The following RBFOX1 variants were observed in gnomAD, a reference collection of about 807,000 sequenced individuals.
RBFOX1 encodes RNA binding fox-1 homolog 1.
RBFOX1 carries 8 observed loss-of-function variants against 57.7 expected under a neutral mutation model. The observed-to-expected ratio is 0.14, with a 90% CI of 0.08 to 0.25. RBFOX1 has a LOEUF of 0.25. RBFOX1 is among the 10% of genes least tolerant of loss of function. The probability of loss-of-function intolerance (pLI) is 1.00; values close to 1 mark genes in which losing one functional copy is unlikely to be tolerated. For synonymous variants in RBFOX1, 326 were observed against 222.4 expected (o/e 1.47, Z -4.15); for missense variants, 611 against 548.5 (o/e 1.11, Z -1.14).
chr16:7,415,704 G>T (rs528247317), intron 4 of RBFOX1, among the ~76,000 whole-genome samples: 34 of 152,204 alleles, frequency 2.2e-4, no homozygotes, highest in African/African-American at 7.9e-4. Flanking sequence ...TTCCAAGAAG[G>T]CAAGAAAAGG....
At chr16:7,169,521 C>T (rs977083529) in intron 4 of RBFOX1, among the ~76,000 whole-genome samples, 2 of 152,112 alleles carry the variant, frequency 1.3e-5, no homozygotes, top group Non-Finnish European at 2.9e-5. Context: ...CCTAATGTCC[C>T]CAGGAGGGTA....
chr16:5,884,155 C>T (rs1375255170), intron 4 of RBFOX1, among the ~76,000 whole-genome samples: 1 of 152,124 alleles, frequency 6.6e-6, no homozygotes, highest in Non-Finnish European at 1.5e-5. Flanking sequence ...CAGTGCCTGG[C>T]AAATAGCAAG....
chr16:5,554,306 AAGC>A (rs1210809913), intron 2 of RBFOX1, among the ~76,000 whole-genome samples: 1 of 152,104 alleles, frequency 6.6e-6, no homozygotes, highest in East Asian at 1.9e-4. Context: ...AATGACCTAA[AAGC>A]ATAAAACCTA....
chr16:6,977,120 T>G lies in RBFOX1; in HGVS notation c.-15-74937T>G, dbSNP rs9937685. On this transcript the variant is annotated intron_variant, in intron 3 of 15. Transcript: ENST00000550418. ...TATATATCATATATATGATCTATAT[T>G]ATCATATATATGATATATATTATAT... 4.2e-3 allele frequency among the ~76,000 whole-genome samples: 585 copies of G among 139,460 alleles called. 10 individuals carry two copies. The highest frequency in any genetic ancestry group is 0.015 in the African/African-American group (566 of 37,318). The allele number at this position is 139,460 out of a possible 152,430, so 91.5% of individuals were successfully genotyped here.
intron 1 of RBFOX1, among the ~76,000 whole-genome samples, chr16:5,387,015 C>T (rs890226597): frequency 6.6e-6 from 1 of 152,210 alleles, no homozygotes; most frequent in African/African-American, 2.4e-5. Context: ...TGTGCCATTG[C>T]ACTCCAGCCT....
chr16:6,415,524 A>G (rs2093600556), intron 2 of RBFOX1, among the ~76,000 whole-genome samples: 2 of 151,746 alleles, frequency 1.3e-5, no homozygotes, highest in South Asian at 4.2e-4. Flanking sequence ...AATATGATGA[A>G]ATGCCATCTC....
intron 5 of RBFOX1, among the ~76,000 whole-genome samples, chr16:7,520,720 G>A (rs779895855): frequency 2.6e-5 from 4 of 152,128 alleles, no homozygotes; most frequent in Admixed American, 6.5e-5. Flanking sequence ...TTGCTTTTGC[G>A]CTGACTACCA....
intron 1 of RBFOX1, among the ~76,000 whole-genome samples, chr16:6,229,602 G>A (rs928537918): frequency 6.6e-6 from 1 of 151,818 alleles, no homozygotes; most frequent in African/African-American, 2.4e-5. Context: ...TGAGCTAATA[G>A]TACTGACTGA....
chr16:5,903,749 C>G (rs927236586), intron 4 of RBFOX1, among the ~76,000 whole-genome samples: 16 of 152,166 alleles, frequency 1.1e-4, no homozygotes, highest in Non-Finnish European at 1.8e-4. Flanking sequence ...CCCACAAACA[C>G]TACCTATGAG....
chr16:6,589,337 C>T (rs1391572832), intron 2 of RBFOX1, among the ~76,000 whole-genome samples: 1 of 152,150 alleles, frequency 6.6e-6, no homozygotes, highest in African/African-American at 2.4e-5. Context: ...GGGAGACCAG[C>T]GTGTTGTTAT....
intron 3 of RBFOX1, among the ~76,000 whole-genome samples, chr16:6,929,144 C>T (rs755663605): frequency 6.6e-6 from 1 of 152,118 alleles, no homozygotes; most frequent in African/African-American, 2.4e-5. Context: ...TTAAACACAT[C>T]TCTTCTCCTG....
chr16:7,171,950 C>T (rs73554351), intron 4 of RBFOX1, among the ~76,000 whole-genome samples: 1,674 of 152,204 alleles, frequency 0.011, 24 homozygotes, highest in African/African-American at 0.038. Context: ...GATGTGGGCA[C>T]GGGGTCTGTG....
intron 4 of RBFOX1, among the ~76,000 whole-genome samples, chr16:7,390,183 T>A (rs1190884675): frequency 6.6e-6 from 1 of 152,134 alleles, no homozygotes; most frequent in Non-Finnish European, 1.5e-5. Context: ...GGGGGATGTT[T>A]GCTCCCATTA....
chr16:5,326,609 CTAG>C (rs1214151886), intron 1 of RBFOX1, among the ~76,000 whole-genome samples: 1 of 152,158 alleles, frequency 6.6e-6, no homozygotes, highest in African/African-American at 2.4e-5. Flanking sequence ...TTCATTTTTC[CTAG>C]CTAGATTTCA....
chr16:7,602,577 C>T (rs772440783), intron 9 of RBFOX1, among the ~76,000 whole-genome samples: 1 of 152,174 alleles, frequency 6.6e-6, no homozygotes, highest in Non-Finnish European at 1.5e-5. Context: ...CTCTTATCTC[C>T]AGCAGGGTTA....
At chr16:5,495,296 A>C (rs1342555527) in intron 2 of RBFOX1, among the ~76,000 whole-genome samples, 2 of 152,234 alleles carry the variant, frequency 1.3e-5, no homozygotes, top group African/African-American at 4.8e-5. Flanking sequence ...TTTCCTCTAG[A>C]GTCTGCAGCG....
At chr16:6,527,313 C>CTAAG (rs2096594640) in intron 2 of RBFOX1, among the ~76,000 whole-genome samples, 1 of 151,830 alleles carries the variant, frequency 6.6e-6, no homozygotes, top group Non-Finnish European at 1.5e-5. Context: ...TAGGTATATA[C>CTAAG]TAAGAGGGGT....
intron 4 of RBFOX1, among the ~76,000 whole-genome samples, chr16:7,181,017 G>C (rs969943961): frequency 6.6e-6 from 1 of 152,160 alleles, no homozygotes. Flanking sequence ...GGAATGTTGC[G>C]GCATTGCAGT....
intron 4 of RBFOX1, among the ~76,000 whole-genome samples, chr16:5,869,542 C>T (rs1261652784): frequency 1.3e-5 from 2 of 152,108 alleles, no homozygotes; most frequent in Non-Finnish European, 2.9e-5. Flanking sequence ...GCTGGGAGTA[C>T]AGGTGCGTGC....
Sources: gnomAD v4.1 joint callset for allele counts (sites outside exome capture counted in the v4.1 genomes callset) on GRCh38, gnomAD v4.1.1 for gene constraint, MANE v1.5 for transcripts, NCBI Gene and HGNC (gene_info 2026-07-23, HGNC 2026-07-21) for gene names.